The following CA10 variants were observed in gnomAD, a reference collection of about 807,000 sequenced individuals.
The protein encoded by CA10 is carbonic anhydrase 10 (inactive), also known as carbonic anhydrase-related protein 10.
A neutral mutation model predicts 44.2 loss-of-function variants in CA10; 14 were observed. The ratio of observed to expected loss-of-function variants is 0.32; its 90% CI spans 0.21 to 0.50. The LOEUF (loss-of-function observed/expected upper bound fraction) is 0.50, where lower values mean the gene tolerates loss of function less well. Ranked by LOEUF, CA10 falls within the 20% of genes least tolerant of loss-of-function variation. The pLI is 0.99. For synonymous variants in CA10, 159 were observed against 141.6 expected, an observed-to-expected ratio of 1.12 and a Z score of -0.87; for missense variants, 350 against 409.7, an observed-to-expected ratio of 0.85 and a Z score of 1.26.
chr17:51,878,456 C>A (rs1980188923), intron 3 of CA10, among the ~76,000 whole-genome samples: 2 of 152,066 alleles, frequency 1.3e-5, no homozygotes, highest in African/African-American at 4.8e-5. Flanking sequence ...TATTACCTAC[C>A]TGGCAGAATC....
intron 3 of CA10, among the ~76,000 whole-genome samples, chr17:51,838,418 C>CCA (rs1325110931): frequency 6.6e-6 from 1 of 152,200 alleles, no homozygotes; most frequent in Non-Finnish European, 1.5e-5. Context: ...CTCCAACCCC[C>CCA]CACCTCCATG....
rs185286810 is a variant in CA10 at position 52,023,427 on chromosome 17, A to C, written c.136+48892T>G. Among the ~76,000 whole-genome samples the C allele has an allele frequency of 3.3e-5, 5 of 152,254 alleles. No homozygotes were observed. In the East Asian group the frequency reaches 9.7e-4, roughly 29 times the overall value. Reference sequence around the variant, plus strand: ...TAACTGGCTGTGCATATGCAGAATGAAACTAAACCTCTATCTTTCACTGTA... The same window carrying C: ...TAACTGGCTGTGCATATGCAGAATGCAACTAAACCTCTATCTTTCACTGTA... On this transcript the variant is annotated intron_variant, in intron 2 of 8. Transcript: ENST00000451037.
intron 1 of CA10, among the ~76,000 whole-genome samples, chr17:52,076,445 G>A (rs1987821374): frequency 6.6e-6 from 1 of 152,190 alleles, no homozygotes; most frequent in African/African-American, 2.4e-5. Flanking sequence ...TATTGTAATA[G>A]TAGAACTGCA....
chr17:51,734,592 A>G (rs150436550), intron 4 of CA10, among the ~76,000 whole-genome samples: 133 of 152,282 alleles, frequency 8.7e-4, no homozygotes, highest in Non-Finnish European at 1.5e-3. Context: ...CTCACAAGGA[A>G]TGAGGAATAT....
intron 3 of CA10, among the ~76,000 whole-genome samples, chr17:51,796,287 G>A (rs567943885): frequency 4.6e-5 from 7 of 152,064 alleles, no homozygotes; most frequent in Non-Finnish European, 7.4e-5. Flanking sequence ...TCTCATGGAA[G>A]TTAATGAGAA....
At chr17:51,796,236 G>T (rs1906703476) in intron 3 of CA10, among the ~76,000 whole-genome samples, 1 of 151,458 alleles carries the variant, frequency 6.6e-6, no homozygotes, top group African/African-American at 2.4e-5. Context: ...TTTTAGAGGC[G>T]ACCACTGAGG....
At chr17:51,711,583 C>A (rs1410573361) in intron 4 of CA10, among the ~76,000 whole-genome samples, 2 of 152,120 alleles carry the variant, frequency 1.3e-5, no homozygotes, top group African/African-American at 2.4e-5. Flanking sequence ...ACACAGCCTG[C>A]GATGGAGAGT....
At chr17:51,746,690 T>C (rs1904700624) in intron 4 of CA10, among the ~76,000 whole-genome samples, 2 of 152,182 alleles carry the variant, frequency 1.3e-5, no homozygotes, top group Admixed American at 1.3e-4. Flanking sequence ...ACTAGCTGAG[T>C]GCCTAGGCAG....
At chr17:51,777,141 A>G (rs1306233561) in intron 3 of CA10, among the ~76,000 whole-genome samples, 2 of 152,226 alleles carry the variant, frequency 1.3e-5, no homozygotes, top group East Asian at 1.9e-4. Flanking sequence ...CTGGCTTACA[A>G]TTGTGTGAAT....
intron 2 of CA10, among the ~76,000 whole-genome samples, chr17:51,982,254 C>A (rs1008615075): frequency 7.2e-5 from 11 of 151,890 alleles, no homozygotes; most frequent in African/African-American, 2.7e-4. Context: ...CTGTGTGCAA[C>A]CTTCCCCCTC....
intron 2 of CA10, among the ~76,000 whole-genome samples, chr17:52,051,530 A>G (rs1055221869): frequency 6.6e-5 from 10 of 152,066 alleles, no homozygotes; most frequent in African/African-American, 2.4e-4. Flanking sequence ...CAACAAGTCT[A>G]CAAAAAATAG....
intron 3 of CA10, among the ~76,000 whole-genome samples, chr17:51,819,377 C>T (rs1419969008): frequency 6.6e-6 from 1 of 152,118 alleles, no homozygotes; most frequent in Non-Finnish European, 1.5e-5. Context: ...CTTGGTGGCT[C>T]CCGAGATCCA....
chr17:51,730,142 A>AGACT (rs1436801343), intron 4 of CA10, among the ~76,000 whole-genome samples: 1 of 152,238 alleles, frequency 6.6e-6, no homozygotes, highest in Non-Finnish European at 1.5e-5. Context: ...CAGCAAAGAA[A>AGACT]GACTGTAAAT....
At position 51,891,825 on chromosome 17, in the gene CA10, C is replaced by T. The variant is rs138204272; in HGVS notation, c.279+39165G>A. On this transcript the variant is annotated intron_variant, in intron 3 of 8. Coordinates refer to ENST00000451037, the MANE Select transcript of CA10 (RefSeq NM_020178.5). Reference sequence around the variant, plus strand: ...GACTGCTCCTCTTCCAGCCCCATGTCTGCACTATAAGCAGGAAGAAGGTTT... The same window carrying T: ...GACTGCTCCTCTTCCAGCCCCATGTTTGCACTATAAGCAGGAAGAAGGTTT... 2.5e-3 allele frequency among the ~76,000 whole-genome samples: 382 copies of T among 152,260 alleles called. No homozygotes were observed. In the Middle Eastern group the frequency reaches 0.034, roughly 14 times the overall value.
At chr17:51,670,121 G>A (rs867507315) in intron 4 of CA10, among the ~76,000 whole-genome samples, 27 of 152,172 alleles carry the variant, frequency 1.8e-4, no homozygotes, top group African/African-American at 4.8e-5. Flanking sequence ...CCCTAGCCAC[G>A]TGGAACTGCG....
intron 3 of CA10, among the ~76,000 whole-genome samples, chr17:51,848,179 G>T (rs1412722422): frequency 6.6e-6 from 1 of 151,314 alleles, no homozygotes; most frequent in African/African-American, 2.5e-5. Flanking sequence ...AACAGAGACA[G>T]GATCCAGCTC....
intron 4 of CA10, among the ~76,000 whole-genome samples, chr17:51,725,676 C>T (rs1000010830): frequency 6.6e-6 from 1 of 152,188 alleles, no homozygotes; most frequent in Non-Finnish European, 1.5e-5. Context: ...GAGAGAGACC[C>T]TTTTTCTCTT....
At chr17:51,679,740 G>A (rs1914776932) in intron 4 of CA10, among the ~76,000 whole-genome samples, 1 of 152,044 alleles carries the variant, frequency 6.6e-6, no homozygotes, top group Non-Finnish European at 1.5e-5. Flanking sequence ...TTCCTGGTCT[G>A]AGGGGCTAGA....
intron 3 of CA10, among the ~76,000 whole-genome samples, chr17:51,810,375 T>C (rs939754910): frequency 6.6e-6 from 1 of 152,198 alleles, no homozygotes; most frequent in African/African-American, 2.4e-5. Flanking sequence ...GTTTCTAGCC[T>C]GGACAGGAAT....
Sources: allele counts gnomAD v4.1 joint callset (sites outside exome capture counted in the v4.1 genomes callset), GRCh38; gene constraint gnomAD v4.1.1; transcripts MANE v1.5; gene names NCBI Gene and HGNC (gene_info 2026-07-23, HGNC 2026-07-21).